The following LUZP1 variants were observed in gnomAD, a reference collection of about 807,000 sequenced individuals.
LUZP1 encodes the protein leucine zipper protein 1, also known as filamin mechanobinding actin cross-linking protein.
LUZP1 carries 25 observed loss-of-function variants against 71.3 expected under a neutral mutation model. The ratio of observed to expected loss-of-function variants is 0.35; its 90% confidence interval spans 0.26 to 0.49. The LOEUF (loss-of-function observed/expected upper bound fraction) is 0.49, where lower values mean the gene tolerates loss of function less well. Ranked by LOEUF, LUZP1 falls within the 20% of genes least tolerant of loss-of-function variation. The pLI is 0.99. For missense variants in LUZP1, 1,142 were observed against 1,300.8 expected, an observed-to-expected ratio of 0.88 and a Z score of 1.88; for synonymous variants, 481 against 506.4, an observed-to-expected ratio of 0.95 and a Z score of 0.67.
chr1:23,115,706 A>G (rs1644072337), intron 2 of LUZP1, among the ~76,000 whole-genome samples: 1 of 151,894 alleles, frequency 6.6e-6, no homozygotes, highest in Non-Finnish European at 1.5e-5. Flanking sequence ...ACGCCCAGCT[A>G]ATTTTTGTAT....
At chr1:23,117,484 C>CG (rs1644091264) in intron 2 of LUZP1, among the ~76,000 whole-genome samples, 1 of 37,140 alleles carries the variant, frequency 2.7e-5, no homozygotes, top group Non-Finnish European at 5.3e-5. Flanking sequence ...TCTCCCCCCC[C>CG]CCCCCCCACA....
intron 1 of LUZP1, among the ~76,000 whole-genome samples, chr1:23,177,192 A>T (rs1341702527): frequency 6.6e-6 from 1 of 152,122 alleles, no homozygotes; most frequent in African/African-American, 2.4e-5. Flanking sequence ...TGCCCTGCAG[A>T]GGGCTATAAT....
exon 4 of LUZP1, chr1:23,092,199 G>A: frequency 6.2e-7 from 1 of 1,614,100 alleles, no homozygotes; most frequent in Non-Finnish European, 8.5e-7. Flanking sequence ...TCTAGAGTTA[G>A]GCTGTGGTTT....
At chr1:23,160,565 C>T (rs930564594) in intron 2 of LUZP1, among the ~76,000 whole-genome samples, 3 of 152,040 alleles carry the variant, frequency 2.0e-5, no homozygotes, top group Admixed American at 2.0e-4. Flanking sequence ...GCACTCCCGG[C>T]CTTTAGATTA....
chr1:23,110,296 G>C (rs1463182428), intron 2 of LUZP1, among the ~76,000 whole-genome samples: 1 of 152,154 alleles, frequency 6.6e-6, no homozygotes, highest in Non-Finnish European at 1.5e-5. Flanking sequence ...TTCTACAGGA[G>C]AGTTGAAAAG....
At chr1:23,161,655 T>C (rs1185959058) in intron 2 of LUZP1, among the ~76,000 whole-genome samples, 1 of 151,934 alleles carries the variant, frequency 6.6e-6, no homozygotes, top group East Asian at 1.9e-4. Context: ...GGCAATGAGA[T>C]TGGCATAAAA....
chr1:23,113,029 CA>C (rs1644047082), intron 2 of LUZP1, among the ~76,000 whole-genome samples: 1 of 152,192 alleles, frequency 6.6e-6, no homozygotes, highest in Non-Finnish European at 1.5e-5. Flanking sequence ...TTAAAAACAT[CA>C]ACAGAAACCA....
intron 2 of LUZP1, chr1:23,162,606 T>G (rs1179508571): frequency 6.6e-6 from 1 of 152,014 alleles, no homozygotes; most frequent in Non-Finnish European, 1.5e-5. Context: ...GCCTGGCTAA[T>G]TTTTTGTATT....
chr1:23,153,299 T>C (rs1644397793), intron 2 of LUZP1, among the ~76,000 whole-genome samples: 1 of 152,196 alleles, frequency 6.6e-6, no homozygotes, highest in Non-Finnish European at 1.5e-5. Context: ...TGATTTGCTC[T>C]TGCCTAGAAA....
chr1:23,108,005 C>T (rs1643997435), intron 3 of LUZP1, among the ~76,000 whole-genome samples: 1 of 152,198 alleles, frequency 6.6e-6, no homozygotes, highest in Admixed American at 6.5e-5. Context: ...CTGAGCTACC[C>T]TATTGCTCTA....
rs376673735 is a variant in LUZP1 at position 23,138,915 on chromosome 1, T to C, written c.-225-29788A>G. Among the ~76,000 whole-genome samples the C allele has an allele frequency of 1.9e-3, 269 of 143,858 alleles. 3 individuals carry two copies. The East Asian group carries it at 0.044, about 23-fold the overall frequency. The allele number at this position is 143,858 out of a possible 152,430, so 94.4% of individuals were successfully genotyped here. On this transcript the variant is annotated intron_variant, in intron 2 of 4. Transcript: ENST00000302291. Reference sequence around the variant, plus strand: ...CGGGAGGCTGAGGCAGGAGAATCGCTTGAACCCGGGAGGTGGAGGTTGCAG... The same window carrying C: ...CGGGAGGCTGAGGCAGGAGAATCGCCTGAACCCGGGAGGTGGAGGTTGCAG...
intron 2 of LUZP1, chr1:23,164,066 G>A (rs886867076): frequency 3.3e-5 from 5 of 152,078 alleles, no homozygotes; most frequent in Non-Finnish European, 5.9e-5. Flanking sequence ...AGATCTAAAG[G>A]GTTATTTTAA....
At chr1:23,143,359 A>G (rs941032358) in intron 2 of LUZP1, among the ~76,000 whole-genome samples, 1 of 152,230 alleles carries the variant, frequency 6.6e-6, no homozygotes, top group Non-Finnish European at 1.5e-5. Context: ...TATGTATAAA[A>G]AAGAAAAATG....
Position 23,117,492 on chromosome 1 carries a change from AC to A in LUZP1, c.-225-8366del, listed in dbSNP as rs1389942678. Among the ~76,000 whole-genome samples, 17 of 21,508 alleles carry A rather than the reference AC, an allele frequency of 7.9e-4. 1 individual carries two copies. Among genetic ancestry groups the A allele is most frequent in the East Asian group, 4.3e-3 (3 of 702 alleles). 14.1% of individuals were successfully genotyped at this position (21,508 alleles called of 152,430 possible). ...CTCTCTCTCTCCCCCCCCCCCCCCCACAATCAGGAAGCCCTGGGGGGGGGGG... is the reference window on the plus strand; with the variant it reads ...CTCTCTCTCTCCCCCCCCCCCCCCCAAATCAGGAAGCCCTGGGGGGGGGGG... On this transcript the variant is annotated intron_variant, in intron 2 of 4. Transcript: ENST00000302291.
chr1:23,120,188 C>T (rs562850815), intron 2 of LUZP1, among the ~76,000 whole-genome samples: 112 of 150,938 alleles, frequency 7.4e-4, no homozygotes, highest in Non-Finnish European at 1.5e-3. Context: ...AGCAATTCAC[C>T]CACCTCAGCC....
intron 2 of LUZP1, among the ~76,000 whole-genome samples, chr1:23,158,647 C>CAAA (rs56919514): frequency 6.2e-4 from 37 of 59,922 alleles, no homozygotes; most frequent in African/African-American, 1.3e-3. Flanking sequence ...GACTCTGTCT[C>CAAA]AAAAAAAAAA....
chr1:23,086,933 C>T (rs548688229), exon 5 of LUZP1: 4 of 152,302 alleles, frequency 2.6e-5, no homozygotes. Flanking sequence ...GCTCCCCAAG[C>T]CTCCTCACTG....
chr1:23,116,628 G>A (rs1297698536), intron 2 of LUZP1, among the ~76,000 whole-genome samples: 2 of 151,434 alleles, frequency 1.3e-5, no homozygotes, highest in South Asian at 2.1e-4. Flanking sequence ...AAAAGAAAAG[G>A]AAAAGAAAAG....
chr1:23,103,852 G>GAGGT (rs1643953591), intron 3 of LUZP1, among the ~76,000 whole-genome samples: 1 of 5,480 alleles, frequency 1.8e-4, no homozygotes. Flanking sequence ...GGGAGGGAGG[G>GAGGT]AGGGAGGGAG....
Sources: gnomAD v4.1 joint callset for allele counts (sites outside exome capture counted in the v4.1 genomes callset) on GRCh38, gnomAD v4.1.1 for gene constraint, MANE v1.5 for transcripts, NCBI Gene and HGNC (gene_info 2026-07-23, HGNC 2026-07-21) for gene names.